CENPP: variants seen among roughly 807,000 people sequenced by gnomAD.
The protein encoded by CENPP is centromere protein P.
CENPP carries 24 observed loss-of-function variants against 35.6 expected under a neutral mutation model. The observed-to-expected ratio is 0.67, with a 90% CI of 0.49 to 0.95. The LOEUF (loss-of-function observed/expected upper bound fraction) is 0.95. Among genes scored for constraint, CENPP ranks in the 40% least tolerant of loss-of-function variants. The pLI is 0.00. For synonymous variants in CENPP, 120 were observed against 125.5 expected, an observed-to-expected ratio of 0.96 and a Z score of 0.29; for missense variants, 332 against 345.3, an observed-to-expected ratio of 0.96 and a Z score of 0.31.
At chr9:92,495,546 TC>T (rs1290684894) in intron 5 of CENPP, 5 of 980,736 alleles carry the variant, frequency 5.1e-6, no homozygotes, top group Non-Finnish European at 6.1e-6. Flanking sequence ...CTACTGCTTT[TC>T]AAAAAATGTC....
chr9:92,543,993 C>T (rs935760158), intron 5 of CENPP, among the ~76,000 whole-genome samples: 1 of 152,132 alleles, frequency 6.6e-6, no homozygotes, highest in Non-Finnish European at 1.5e-5. Context: ...AGAAAATGTA[C>T]CTTTATCCTT....
intron 5 of CENPP, among the ~76,000 whole-genome samples, chr9:92,409,481 T>C (rs1262671512): frequency 6.6e-6 from 1 of 152,232 alleles, no homozygotes; most frequent in Admixed American, 6.5e-5. Context: ...TACATCTGTA[T>C]TTTACTTTAG....
At chr9:92,559,233 T>C (rs993998480) in intron 5 of CENPP, among the ~76,000 whole-genome samples, 2 of 152,188 alleles carry the variant, frequency 1.3e-5, no homozygotes, top group Non-Finnish European at 1.5e-5. Context: ...GCCCTCCCGA[T>C]GGATCCCTGT....
intron 5 of CENPP, among the ~76,000 whole-genome samples, chr9:92,405,053 T>G (rs1298852313): frequency 2.0e-5 from 3 of 152,172 alleles, no homozygotes; most frequent in Non-Finnish European, 4.4e-5. Flanking sequence ...ACAAATTATT[T>G]GATAGTTTTG....
In CENPP at chr9:92,526,403, C is replaced by CACCAA. The variant is rs537908076; in HGVS notation, c.565-84909_565-84905dup. 9.2e-5 allele frequency among the ~76,000 whole-genome samples: 14 copies of CACCAA among 152,120 alleles called. No homozygotes were observed. The South Asian group carries it at 1.5e-3, about 16-fold the overall frequency. ...AACAAATGAAGATGAAAACACAGCA[C>CACCAA]ACCAAAACCTATGGGATACAGCAAA... On this transcript the variant is annotated intron_variant, in intron 5 of 7. Transcript: ENST00000375587.
chr9:92,576,934 TA>T (rs1251442996), intron 5 of CENPP, among the ~76,000 whole-genome samples: 1 of 152,104 alleles, frequency 6.6e-6, no homozygotes, highest in African/African-American at 2.4e-5. Context: ...AAATGGTGAG[TA>T]AACAAATGTA....
chr9:92,416,793 G>T, intron 5 of CENPP: 1 of 1,613,862 alleles, frequency 6.2e-7, no homozygotes, highest in South Asian at 1.1e-5. Flanking sequence ...AGTTTTGGAA[G>T]TTTGTCGAAG....
intron 5 of CENPP, among the ~76,000 whole-genome samples, chr9:92,541,152 G>A (rs972483253): frequency 7.9e-5 from 12 of 152,080 alleles, no homozygotes; most frequent in Non-Finnish European, 1.3e-4. Flanking sequence ...CCAGCTACTC[G>A]GAAGGCTGAG....
chr9:92,479,706 C>T (rs964263288), intron 5 of CENPP, among the ~76,000 whole-genome samples: 1 of 152,212 alleles, frequency 6.6e-6, no homozygotes, highest in African/African-American at 2.4e-5. Context: ...TTCTGTTAGC[C>T]TTTTACAATT....
intron 4 of CENPP, among the ~76,000 whole-genome samples, chr9:92,368,499 T>C (rs995996295): frequency 1.3e-5 from 2 of 152,160 alleles, no homozygotes; most frequent in African/African-American, 4.8e-5. Flanking sequence ...ACCAAATTAA[T>C]CACCTTCATA....
intron 2 of CENPP, among the ~76,000 whole-genome samples, chr9:92,335,606 A>G (rs57720908): frequency 0.02 from 3,049 of 150,474 alleles, 108 homozygotes; most frequent in African/African-American, 0.07. Flanking sequence ...TTGCATATGG[A>G]TGTTCAGTTG....
intron 5 of CENPP, chr9:92,389,898 A>G: frequency 6.2e-7 from 1 of 1,612,950 alleles, no homozygotes; most frequent in Non-Finnish European, 8.5e-7. Context: ...ATTTTGTTGT[A>G]TTTTGCATTA....
At chr9:92,546,699 A>C (rs1395720946) in intron 5 of CENPP, among the ~76,000 whole-genome samples, 1 of 152,224 alleles carries the variant, frequency 6.6e-6, no homozygotes. Flanking sequence ...TCATTCTTGA[A>C]GTCAGTGAGA....
chr9:92,410,609 A>G (rs1406491182), intron 5 of CENPP, among the ~76,000 whole-genome samples: 2 of 152,164 alleles, frequency 1.3e-5, no homozygotes, highest in Non-Finnish European at 2.9e-5. Context: ...AACCCTTAGT[A>G]GTCTCTCTTG....
chr9:92,420,688 T>C (rs1843763899), intron 5 of CENPP, among the ~76,000 whole-genome samples: 1 of 152,224 alleles, frequency 6.6e-6, no homozygotes, highest in Admixed American at 6.5e-5. Flanking sequence ...ATCATTTATT[T>C]CTATTTTCTT....
At chr9:92,538,565 T>C (rs1053368243) in intron 5 of CENPP, among the ~76,000 whole-genome samples, 2 of 152,190 alleles carry the variant, frequency 1.3e-5, no homozygotes, top group Admixed American at 6.5e-5. Flanking sequence ...CACGATGAGA[T>C]TGAGAAGGTT....
At chr9:92,374,620 C>G (rs190921857) in intron 4 of CENPP, among the ~76,000 whole-genome samples, 132 of 152,210 alleles carry the variant, frequency 8.7e-4, no homozygotes, top group African/African-American at 3.0e-3. Context: ...ATGTTTCTCC[C>G]CCTTATATTG....
intron 5 of CENPP, among the ~76,000 whole-genome samples, chr9:92,567,403 T>TATAGATAGATAGATAGATAG (rs1564005631): frequency 1.2e-4 from 17 of 138,658 alleles, no homozygotes; most frequent in South Asian, 2.2e-4. Context: ...TATAGATATA[T>TATAGATAGATAGATAGATAG]ATATAAAGTG....
chr9:92,501,230 C>G (rs1365720672), intron 5 of CENPP, among the ~76,000 whole-genome samples: 1 of 152,154 alleles, frequency 6.6e-6, no homozygotes, highest in Non-Finnish European at 1.5e-5. Context: ...TTGCACCAAG[C>G]TGCATGTCCT....
Sources: allele counts gnomAD v4.1 joint callset (sites outside exome capture counted in the v4.1 genomes callset), GRCh38; gene constraint gnomAD v4.1.1; transcripts MANE v1.5; gene names NCBI Gene and HGNC (gene_info 2026-07-23, HGNC 2026-07-21).